Variants in SLC44A5 observed in about 807,000 individuals in gnomAD.
SLC44A5 encodes choline transporter-like protein 5.
A neutral mutation model predicts 101.8 loss-of-function variants in SLC44A5; 57 were observed. That is an observed-to-expected ratio of 0.56 (90% confidence interval 0.45 to 0.70). SLC44A5 has a LOEUF of 0.70. Ranked by LOEUF, SLC44A5 falls within the 30% of genes least tolerant of loss-of-function variation. The probability of loss-of-function intolerance (pLI) is 0.00; values close to 1 mark genes in which losing one functional copy is unlikely to be tolerated. For synonymous variants in SLC44A5, 281 were observed against 290.9 expected (o/e 0.97, Z 0.35); for missense variants, 737 against 853.1 (o/e 0.86, Z 1.70).
intron 7 of SLC44A5, among the ~76,000 whole-genome samples, chr1:75,248,388 AG>A (rs1472698467): frequency 5.9e-5 from 9 of 152,286 alleles, no homozygotes; most frequent in African/African-American, 2.2e-4. Flanking sequence ...CAAGAGGATG[AG>A]ATTTAATACA....
intron 5 of SLC44A5, among the ~76,000 whole-genome samples, chr1:75,281,634 AG>A (rs1652568439): frequency 3.1e-5 from 1 of 32,284 alleles, no homozygotes; most frequent in Non-Finnish European, 5.8e-5. Flanking sequence ...GGCTGGTGCC[AG>A]GCCCCCCCCC....
chr1:75,510,323 T>C (rs1669499004), intron 2 of SLC44A5, among the ~76,000 whole-genome samples: 4 of 152,118 alleles, frequency 2.6e-5, no homozygotes, highest in Admixed American at 1.3e-4. Flanking sequence ...TCCAAGGATG[T>C]TCTAGGAAAA....
chr1:75,594,465 A>C lies in SLC44A5; in HGVS notation c.-70+16575T>G, dbSNP rs909388368. On this transcript the variant is annotated intron_variant, in intron 1 of 23. Coordinates refer to ENST00000370859, the MANE Select transcript of SLC44A5 (RefSeq NM_001130058.2). ...CTGACTGCTTATACAGTAGAAAAAT[A>C]GTAAGACTAAAAAAATTAGAAAAGC... 7.2e-5 allele frequency among the ~76,000 whole-genome samples: 11 copies of C among 152,230 alleles called. No individual in the cohort carries two copies. The East Asian group carries it at 2.1e-3, about 29-fold the overall frequency.
chr1:75,280,486 T>C (rs1652436907), intron 5 of SLC44A5, among the ~76,000 whole-genome samples: 1 of 121,778 alleles, frequency 8.2e-6, no homozygotes, highest in East Asian at 2.2e-4. Flanking sequence ...TTGTATATAT[T>C]ATATATATTA....
chr1:75,457,624 G>A (rs1194170656), intron 2 of SLC44A5, among the ~76,000 whole-genome samples: 8 of 152,164 alleles, frequency 5.3e-5, no homozygotes, highest in South Asian at 2.1e-4. Flanking sequence ...TTGGGAGGCC[G>A]AGGTGGGTGG....
chr1:75,292,060 G>C (rs1307196889), intron 5 of SLC44A5, among the ~76,000 whole-genome samples: 2 of 151,606 alleles, frequency 1.3e-5, no homozygotes, highest in South Asian at 2.1e-4. Context: ...CGTAATTTCA[G>C]ATATGGATGG....
chr1:75,529,033 T>A (rs1245693535), intron 2 of SLC44A5, among the ~76,000 whole-genome samples: 2 of 152,228 alleles, frequency 1.3e-5, no homozygotes, highest in East Asian at 3.8e-4. Context: ...TTATCTTGTT[T>A]ACTTACCTGC....
At chr1:75,608,288 C>T (rs909052186) in intron 1 of SLC44A5, among the ~76,000 whole-genome samples, 5 of 151,714 alleles carry the variant, frequency 3.3e-5, no homozygotes, top group African/African-American at 1.2e-4. Context: ...AATCAACCTA[C>T]GTGTCTATCC....
Position 75,546,190 on chromosome 1 carries a change from A to ATT in SLC44A5, c.-69-4675_-69-4674insAA, listed in dbSNP as rs1336301112. On this transcript the variant is annotated intron_variant, in intron 1 of 23. Transcript: ENST00000370859. ...TCTTCATAAGACTGTTCAAATTCAA[A>ATT]ATTTTTTTTTTTTTTTTTTTTTTTT... Among the ~76,000 whole-genome samples the ATT allele has an allele frequency of 8.1e-4, 9 of 11,128 alleles. 2 individuals are homozygous for ATT. The highest frequency in any genetic ancestry group is 5.7e-3 in the Admixed American group (5 of 884). 7.3% of individuals were successfully genotyped at this position (11,128 alleles called of 152,430 possible). A position where few individuals can be genotyped will look rare whatever the true frequency, so the allele number is the denominator to read the frequency against.
intron 4 of SLC44A5, among the ~76,000 whole-genome samples, chr1:75,309,089 C>T (rs997526910): frequency 5.3e-5 from 8 of 152,092 alleles, no homozygotes; most frequent in Non-Finnish European, 7.4e-5. Context: ...ATTGAAAACA[C>T]TGCACTGTTT....
intron 2 of SLC44A5, among the ~76,000 whole-genome samples, chr1:75,463,655 A>G (rs974918451): frequency 6.6e-6 from 1 of 152,110 alleles, no homozygotes; most frequent in African/African-American, 2.4e-5. Flanking sequence ...TCCCCAGACA[A>G]ACAAAAGCTG....
chr1:75,683,756 T>TAATA, the SLC44A5 span, among the ~76,000 whole-genome samples: 195 of 150,090 alleles, frequency 1.3e-3, 2 homozygotes, highest in East Asian at 0.013. Flanking sequence ...TAAAGTATAA[T>TAATA]AACAAATAAA....
chr1:75,252,877 G>A (rs1649700259), intron 6 of SLC44A5, among the ~76,000 whole-genome samples: 1 of 152,198 alleles, frequency 6.6e-6, no homozygotes, highest in African/African-American at 2.4e-5. Flanking sequence ...AGAGACTGTG[G>A]AGGTGAATCA....
At chr1:75,277,930 A>G (rs1281789243) in intron 5 of SLC44A5, among the ~76,000 whole-genome samples, 1 of 152,146 alleles carries the variant, frequency 6.6e-6, no homozygotes, top group Non-Finnish European at 1.5e-5. Flanking sequence ...TACAAAAAAG[A>G]GGAAAAAAAG....
intron 6 of SLC44A5, among the ~76,000 whole-genome samples, chr1:75,269,520 T>A (rs1214274730): frequency 6.6e-6 from 1 of 152,018 alleles, no homozygotes; most frequent in Non-Finnish European, 1.5e-5. Flanking sequence ...TTCTGTTACT[T>A]CTATGGTTTT....
At chr1:75,452,552 A>G (rs1665964563) in intron 2 of SLC44A5, among the ~76,000 whole-genome samples, 2 of 152,196 alleles carry the variant, frequency 1.3e-5, no homozygotes, top group Non-Finnish European at 2.9e-5. Context: ...ACATATCAAT[A>G]TTAATCTTAA....
chr1:75,344,189 C>T (rs1450593181), intron 3 of SLC44A5, among the ~76,000 whole-genome samples: 1 of 152,172 alleles, frequency 6.6e-6, no homozygotes, highest in Non-Finnish European at 1.5e-5. Flanking sequence ...AGACATTCTA[C>T]TGGCCACTGT....
chr1:75,603,753 G>GGTTTTTTTTT (rs368996734), intron 1 of SLC44A5, among the ~76,000 whole-genome samples: 1 of 54,086 alleles, frequency 1.8e-5, no homozygotes, highest in East Asian at 5.2e-4. Flanking sequence ...ATTTTTTCAT[G>GGTTTTTTTTT]TTTTTTTTTT....
At chr1:75,481,097 C>T (rs963359585) in intron 2 of SLC44A5, among the ~76,000 whole-genome samples, 15 of 152,138 alleles carry the variant, frequency 9.9e-5, no homozygotes, top group Non-Finnish European at 1.5e-4. Context: ...AGAAGTAACG[C>T]CACATATCTA....
Sources: gnomAD v4.1 joint callset for allele counts (sites outside exome capture counted in the v4.1 genomes callset) on GRCh38, gnomAD v4.1.1 for gene constraint, MANE v1.5 for transcripts, NCBI Gene and HGNC (gene_info 2026-07-23, HGNC 2026-07-21) for gene names.